UGT2B10: variants seen among roughly 807,000 people sequenced by gnomAD.
UGT2B10 encodes UDP glucuronosyltransferase family 2 member B10.
Under a neutral mutation model 43.7 loss-of-function variants are expected in UGT2B10, and 51 were observed. That is an observed-to-expected ratio of 1.17 (90% CI 0.93 to 1.47). The LOEUF (loss-of-function observed/expected upper bound fraction) is 1.47. UGT2B10 is among the 40% of genes most tolerant of loss of function. UGT2B10 has a pLI of 0.00. For missense variants in UGT2B10, 696 were observed against 617.7 expected, an observed-to-expected ratio of 1.13 and a Z score of -1.34; for synonymous variants, 225 against 209.0, an observed-to-expected ratio of 1.08 and a Z score of -0.66.
intron 3 of UGT2B10, among the ~76,000 whole-genome samples, chr4:68,822,625 A>G (rs1410076935): frequency 6.6e-6 from 1 of 152,130 alleles, no homozygotes; most frequent in Non-Finnish European, 1.5e-5. Context: ...TGCATGAGTG[A>G]TTCCTATTAG....
intron 3 of UGT2B10, among the ~76,000 whole-genome samples, chr4:68,823,420 T>G (rs1737612414): frequency 6.6e-6 from 1 of 152,002 alleles, no homozygotes; most frequent in African/African-American, 2.4e-5. Flanking sequence ...GGCAGGAGAA[T>G]CCCTTGAACC....
At chr4:68,818,453 A>T (rs1737332565) in intron 2 of UGT2B10, among the ~76,000 whole-genome samples, 1 of 151,884 alleles carries the variant, frequency 6.6e-6, no homozygotes, top group Non-Finnish European at 1.5e-5. Context: ...GGTATTGGTC[A>T]TTCATTCAAA....
At chr4:68,828,705 G>A (rs1461248083) in intron 5 of UGT2B10, among the ~76,000 whole-genome samples, 1 of 151,854 alleles carries the variant, frequency 6.6e-6, no homozygotes, top group Non-Finnish European at 1.5e-5. Flanking sequence ...ATACACACAT[G>A]TACATATACA....
chr4:68,824,909 A>C (rs2109696866), intron 3 of UGT2B10, among the ~76,000 whole-genome samples: 1 of 152,234 alleles, frequency 6.6e-6, no homozygotes, highest in Non-Finnish European at 1.5e-5. Flanking sequence ...AAAAATCCAA[A>C]ATTAGCAATA....
intron 3 of UGT2B10, among the ~76,000 whole-genome samples, chr4:68,825,622 A>G (rs1022495741): frequency 6.6e-6 from 1 of 152,058 alleles, no homozygotes; most frequent in Admixed American, 6.6e-5. Context: ...TAGTTTGCTA[A>G]GGCTAATGGC....
intron 5 of UGT2B10, among the ~76,000 whole-genome samples, chr4:68,830,042 A>G (rs1738010053): frequency 1.3e-5 from 2 of 152,060 alleles, no homozygotes; most frequent in Non-Finnish European, 2.9e-5. Flanking sequence ...CCATGATAAA[A>G]TTCCTTTTTA....
chr4:68,828,120 C>A (rs1737894403), intron 5 of UGT2B10, among the ~76,000 whole-genome samples: 1 of 152,028 alleles, frequency 6.6e-6, no homozygotes, highest in South Asian at 2.1e-4. Flanking sequence ...GCAGTGACAC[C>A]AAAATCACCT....
intron 3 of UGT2B10, among the ~76,000 whole-genome samples, chr4:68,823,312 C>T (rs1737605006): frequency 6.6e-6 from 1 of 151,872 alleles, no homozygotes; most frequent in Admixed American, 6.6e-5. Context: ...TCGAGATCAC[C>T]CTGAACGATA....
Position 68,831,325 on chromosome 4 carries a change from T to C in UGT2B10, c.*446T>C. On this transcript the variant is annotated 3_prime_UTR_variant, in exon 6 of 6. Transcript: ENST00000265403. ...CCATGCTGATTTCAAACTCCTGGGC[T>C]CAAACAATCCTCCCATTTTAGCATC... is the stretch of plus-strand genomic sequence containing the variant. 1 of 157,060 alleles carries C rather than the reference T, an allele frequency of 6.4e-6. No homozygotes were observed. Among genetic ancestry groups the C allele is most frequent in the Non-Finnish European group, 1.4e-5 (1 of 71,312 alleles). The allele number at this position is 157,060 out of a possible 1,614,324, so 9.7% of individuals were successfully genotyped here. A position where few individuals can be genotyped will look rare whatever the true frequency, so the allele number is the denominator to read the frequency against.
intron 2 of UGT2B10, among the ~76,000 whole-genome samples, chr4:68,819,790 A>G (rs1457004077): frequency 1.3e-5 from 2 of 152,090 alleles, no homozygotes; most frequent in Non-Finnish European, 2.9e-5. Context: ...AAATTCCGTC[A>G]GCATATAAGA....
intron 2 of UGT2B10, among the ~76,000 whole-genome samples, chr4:68,820,021 C>T (rs1737414153): frequency 6.6e-6 from 1 of 151,844 alleles, no homozygotes; most frequent in South Asian, 2.1e-4. Context: ...TCTTAAGAGA[C>T]AAAAGTTGAG....
intron 2 of UGT2B10, among the ~76,000 whole-genome samples, chr4:68,818,524 A>G (rs1368878253): frequency 6.6e-6 from 1 of 151,904 alleles, no homozygotes; most frequent in Admixed American, 6.6e-5. Flanking sequence ...AGAGAAAAAA[A>G]ATAGACACAG....
Position 68,831,185 on chromosome 4 carries a change from C to G in UGT2B10, c.*306C>G, listed in dbSNP as rs144889604. ...CATGGCTCACTTCAGCCTCAACTTA[C>G]TAAGCTCAAGAGGTTCTCTCACCTC... On this transcript the variant is annotated 3_prime_UTR_variant, in exon 6 of 6. Coordinates refer to ENST00000265403, the MANE Select transcript of UGT2B10 (RefSeq NM_001075.6). 244 of 294,774 alleles carry G rather than the reference C, an allele frequency of 8.3e-4. 2 individuals carry two copies. In the East Asian group the frequency reaches 0.013, roughly 16 times the overall value. 18.3% of individuals were successfully genotyped at this position (294,774 alleles called of 1,614,324 possible).
intron 2 of UGT2B10, among the ~76,000 whole-genome samples, chr4:68,819,937 CTG>C (rs1737410108): frequency 6.6e-6 from 1 of 151,986 alleles, no homozygotes; most frequent in African/African-American, 2.4e-5. Flanking sequence ...TTGCATAAAA[CTG>C]AGAATTTGTT....
rs1204516238 is a variant in UGT2B10, at chr4:68,830,950, T to C, written c.*71T>C. 4 of 1,517,764 alleles carry C rather than the reference T, an allele frequency of 2.6e-6. No homozygotes were observed. The African/African-American group carries it at 5.6e-5, about 21-fold the overall frequency. The allele number at this position is 1,517,764 out of a possible 1,614,324, so 94.0% of individuals were successfully genotyped here. A position where few individuals can be genotyped will look rare whatever the true frequency, so the allele number is the denominator to read the frequency against. ...TTCAGTTGATTCCAGCAATAAATATTGTGATGCAAGATTTCTTTCTTCCTG... is the reference window on the plus strand; with the variant it reads ...TTCAGTTGATTCCAGCAATAAATATCGTGATGCAAGATTTCTTTCTTCCTG... On this transcript the variant is annotated 3_prime_UTR_variant, in exon 6 of 6. Coordinates refer to ENST00000265403, the MANE Select transcript of UGT2B10 (RefSeq NM_001075.6).
Position 68,816,567 on chromosome 4 carries a change from G to A in UGT2B10, c.548G>A (p.Ser183Asn), listed in dbSNP as rs769708072. 1.2e-6 allele frequency: 2 copies of A among 1,612,986 alleles called. No homozygotes were observed. Among genetic ancestry groups the A allele is most frequent in the African/African-American group, 2.7e-5 (2 of 74,864 alleles). Reference sequence around the variant, plus strand: ...CCTGGCTACTCATTTGAAAGGCACAGTGGAGGATTTATTTTCCCTCCTTCC... The same window carrying A: ...CCTGGCTACTCATTTGAAAGGCACAATGGAGGATTTATTTTCCCTCCTTCC... ...FSPGYSFERHSGGFIFPPSYV... is the reference protein window; with the variant it reads ...FSPGYSFERHNGGFIFPPSYV... The change falls in exon 1 of 6, where the codon AGT (serine) becomes AAT (asparagine). Residue 183 changes from serine (S) to asparagine (N), a missense_variant. Physicochemically the swap from Ser to Asn is conservative, Grantham distance 46 (BLOSUM62 1). Transcript: ENST00000265403.
chr4:68,816,849 A>G lies in UGT2B10; in HGVS notation c.718+112A>G, dbSNP rs192147164. 14 of 925,596 alleles carry G rather than the reference A, an allele frequency of 1.5e-5. No homozygotes were observed. In the East Asian group the frequency reaches 3.7e-4, roughly 24 times the overall value. The allele number at this position is 925,596 out of a possible 1,614,324, so 57.3% of individuals were successfully genotyped here. A position where few individuals can be genotyped will look rare whatever the true frequency, so the allele number is the denominator to read the frequency against. On this transcript the variant is annotated intron_variant, in intron 1 of 5. Transcript: ENST00000265403. ...AGTGGAGTTTTTGGTAAATGAATTT[A>G]TGAAATGAAAATACAAGATGATCTA...
chr4:68,818,811 T>C (rs1737353247), intron 2 of UGT2B10, among the ~76,000 whole-genome samples: 1 of 151,786 alleles, frequency 6.6e-6, no homozygotes, highest in Admixed American at 6.6e-5. Flanking sequence ...TTGCAGGGAA[T>C]GATTAAGAAT....
chr4:68,818,254 T>A, intron 2 of UGT2B10, 77 bp downstream of exon 2: 1 of 1,570,374 alleles, frequency 6.4e-7, no homozygotes, highest in Non-Finnish European at 8.6e-7. Flanking sequence ...TCATTCAGAG[T>A]GTTTGACTAA....
Sources: allele counts gnomAD v4.1 joint callset (sites outside exome capture counted in the v4.1 genomes callset), GRCh38; gene constraint gnomAD v4.1.1; transcripts MANE v1.5; gene names NCBI Gene and HGNC (gene_info 2026-07-23, HGNC 2026-07-21).